GRM8: variants seen among roughly 807,000 people sequenced by gnomAD.
GRM8 encodes the protein metabotropic glutamate receptor 8.
A neutral mutation model predicts 87.2 loss-of-function variants in GRM8; 47 were observed. The observed-to-expected ratio is 0.54, with a 90% CI of 0.43 to 0.69. The LOEUF (loss-of-function observed/expected upper bound fraction) is 0.69, where lower values mean the gene tolerates loss of function less well. GRM8 is among the 30% of genes least tolerant of loss of function. The pLI, the probability that GRM8 is intolerant of heterozygous loss-of-function variation, is 0.00. For missense variants in GRM8, 1,019 were observed against 1,139.2 expected (o/e 0.89, Z 1.52); for synonymous variants, 396 against 404.5 (o/e 0.98, Z 0.25).
intron 8 of GRM8, among the ~76,000 whole-genome samples, chr7:126,536,627 C>G (rs916890683): frequency 3.3e-5 from 5 of 151,940 alleles, no homozygotes; most frequent in African/African-American, 1.2e-4. Context: ...TAAATGGAAG[C>G]ACACAGTGAT....
intron 3 of GRM8, among the ~76,000 whole-genome samples, chr7:126,917,210 A>C (rs1432326979): frequency 6.6e-6 from 1 of 152,154 alleles, no homozygotes; most frequent in African/African-American, 2.4e-5. Context: ...TCCTGGCCTC[A>C]GGCAATACTA....
At chr7:126,549,276 G>T (rs1007218129) in intron 8 of GRM8, among the ~76,000 whole-genome samples, 37 of 151,454 alleles carry the variant, frequency 2.4e-4, no homozygotes, top group African/African-American at 8.0e-4. Context: ...TTTTTTTTCT[G>T]AAGAAACATC....
chr7:126,845,418 A>G (rs1796629484), intron 6 of GRM8, among the ~76,000 whole-genome samples: 1 of 152,200 alleles, frequency 6.6e-6, no homozygotes, highest in South Asian at 2.1e-4. Context: ...AGCTCAACCT[A>G]GGCCAACTTA....
chr7:126,535,636 A>G (rs1433419712), intron 8 of GRM8, among the ~76,000 whole-genome samples: 1 of 152,220 alleles, frequency 6.6e-6, no homozygotes, highest in Admixed American at 6.5e-5. Context: ...ACTAGGTTGC[A>G]GGTCGCTGCC....
chr7:127,069,220 C>T (rs547586608), intron 3 of GRM8, among the ~76,000 whole-genome samples: 8 of 152,230 alleles, frequency 5.3e-5, no homozygotes, highest in Admixed American at 4.6e-4. Context: ...TGGAGTGCCA[C>T]GGCACGATCT....
intron 2 of GRM8, among the ~76,000 whole-genome samples, chr7:127,180,503 C>T (rs1416729547): frequency 6.6e-6 from 1 of 152,036 alleles, no homozygotes; most frequent in East Asian, 1.9e-4. Flanking sequence ...TCTTCTGAAG[C>T]CAGCATCACC....
intron 9 of GRM8, among the ~76,000 whole-genome samples, chr7:126,495,623 T>C (rs1808611740): frequency 6.6e-6 from 1 of 151,978 alleles, no homozygotes; most frequent in Non-Finnish European, 1.5e-5. Context: ...TAACAAGTTT[T>C]AAATTATTAT....
intron 6 of GRM8, among the ~76,000 whole-genome samples, chr7:126,830,457 C>G (rs80122083): frequency 2.0e-5 from 3 of 152,200 alleles, no homozygotes; most frequent in African/African-American, 7.2e-5. Context: ...TTCATTTCAT[C>G]TTCCATCACT....
At chr7:126,944,950 T>C (rs536499524) in intron 3 of GRM8, among the ~76,000 whole-genome samples, 47 of 152,310 alleles carry the variant, frequency 3.1e-4, no homozygotes, top group African/African-American at 1.1e-3. Flanking sequence ...ATCCACCAGG[T>C]TGAGAAGTAT....
chr7:126,446,225 C>T lies in GRM8; in HGVS notation c.2578G>A (p.Val860Met). The T allele has an allele frequency of 6.2e-7, 1 of 1,613,096 alleles. No individual in the cohort carries two copies. The highest frequency in any genetic ancestry group is 8.5e-7 in the Non-Finnish European group (1 of 1,179,426). Residue 860 changes from valine (V) to methionine (M), a missense_variant, in exon 10 of 11, where the codon GTG becomes ATG. Transcript: ENST00000339582. ...TTGCTTTGCATGGTGGCAGCTGTCA[C>T]CACAGCCTTGAAGCTCCTCTTGCGT... ...QKRKRSFKAVVTAATMQSKLI... is the reference protein window; with the variant it reads ...QKRKRSFKAVMTAATMQSKLI...
chr7:127,188,916 C>T (rs11563697), intron 2 of GRM8, among the ~76,000 whole-genome samples: 3,140 of 152,258 alleles, frequency 0.021, 107 homozygotes, highest in African/African-American at 0.072. Context: ...TTGTATTAAA[C>T]GATCACATAA....
Position 126,778,964 on chromosome 7 carries a change from T to C in GRM8, c.1157-8899A>G, listed in dbSNP as rs1819772695. 2.6e-5 allele frequency among the ~76,000 whole-genome samples: 4 copies of C among 152,266 alleles called. No homozygotes were observed. The South Asian group carries it at 8.3e-4, about 32-fold the overall frequency. On this transcript the variant is annotated intron_variant, in intron 6 of 10. Transcript: ENST00000339582. ...AGCTTAATGACCATTTGTATATTGG[T>C]GTGGCGTCTTACATTTCTTTCTTTG... is the stretch of plus-strand genomic sequence containing the variant.
chr7:126,522,901 T>TA (rs1215326410), intron 9 of GRM8, among the ~76,000 whole-genome samples: 2 of 152,220 alleles, frequency 1.3e-5, no homozygotes, highest in Non-Finnish European at 2.9e-5. Context: ...ACTTGACCCT[T>TA]AAAAATCTGA....
At chr7:126,472,691 A>G (rs1056598984) in intron 9 of GRM8, among the ~76,000 whole-genome samples, 5 of 152,182 alleles carry the variant, frequency 3.3e-5, no homozygotes, top group African/African-American at 9.6e-5. Context: ...GACAATGGGG[A>G]AAATGTCTCC....
chr7:126,729,787 T>C (rs1813399158), intron 7 of GRM8, among the ~76,000 whole-genome samples: 2 of 152,110 alleles, frequency 1.3e-5, no homozygotes, highest in African/African-American at 4.8e-5. Context: ...CTCAAAATTA[T>C]TTTTGGGTTT....
At chr7:127,040,450 A>G (rs536297082) in intron 3 of GRM8, among the ~76,000 whole-genome samples, 5 of 152,306 alleles carry the variant, frequency 3.3e-5, no homozygotes, top group African/African-American at 9.6e-5. Flanking sequence ...CTATTCAGTT[A>G]CCGATGTGAA....
intron 2 of GRM8, among the ~76,000 whole-genome samples, chr7:127,242,470 G>GAAAA (rs80232658): frequency 7.1e-6 from 1 of 141,290 alleles, no homozygotes; most frequent in African/African-American, 2.6e-5. Flanking sequence ...CTTTGTTCAG[G>GAAAA]AAAAAAAAAA....
intron 3 of GRM8, among the ~76,000 whole-genome samples, chr7:127,100,917 T>C (rs78779870): frequency 2.0e-3 from 307 of 152,292 alleles, no homozygotes; most frequent in African/African-American, 6.8e-3. Context: ...CACCTTTCCA[T>C]ACTCAACCAT....
At chr7:126,946,783 T>C (rs1333756792) in intron 3 of GRM8, among the ~76,000 whole-genome samples, 1 of 152,210 alleles carries the variant, frequency 6.6e-6, no homozygotes, top group Admixed American at 6.5e-5. Flanking sequence ...CATTGAGTTT[T>C]GGGATGGTTT....
Sources: allele counts gnomAD v4.1 joint callset (sites outside exome capture counted in the v4.1 genomes callset), GRCh38; gene constraint gnomAD v4.1.1; transcripts MANE v1.5; gene names NCBI Gene and HGNC (gene_info 2026-07-23, HGNC 2026-07-21).